The following DMD variants were observed in gnomAD, a reference collection of about 807,000 sequenced individuals.
DMD encodes the protein dystrophin, also known as mutant dystrophin.
In DMD, 63 loss-of-function variants were observed where a neutral mutation model predicts 330.1. The observed-to-expected ratio is 0.19, with a 90% CI of 0.16 to 0.24. The LOEUF is 0.24. Ranked by LOEUF, DMD falls within the 10% of genes least tolerant of loss-of-function variation. DMD has a pLI of 1.00. For missense variants in DMD, 3,344 were observed against 2,684.1 expected, an observed-to-expected ratio of 1.25 and a Z score of -5.43; for synonymous variants, 1,223 against 959.8, an observed-to-expected ratio of 1.27 and a Z score of -5.07.
At chrX:32,637,388 T>C (rs1393877416) in intron 11 of DMD, among the ~76,000 whole-genome samples, 1 of 112,152 alleles carries the variant, frequency 8.9e-6, no homozygotes, top group Non-Finnish European at 1.9e-5. Flanking sequence ...ATTTTTGTAC[T>C]AAGATTAAAA....
intron 9 of DMD, among the ~76,000 whole-genome samples, chrX:32,671,487 A>G (rs2061632359): frequency 8.9e-6 from 1 of 111,798 alleles, no homozygotes; most frequent in Admixed American, 9.6e-5. Flanking sequence ...TATTATTAAC[A>G]AATCAGATTA....
At chrX:31,698,839 G>C (rs1439834820) in intron 52 of DMD, among the ~76,000 whole-genome samples, 2 of 111,879 alleles carry the variant, frequency 1.8e-5, no homozygotes, top group African/African-American at 3.2e-5. Flanking sequence ...TGGCCACTAT[G>C]ATGACCAAGT....
chrX:31,831,844 C>T (rs957109734), intron 49 of DMD, among the ~76,000 whole-genome samples: 12 of 112,313 alleles, frequency 1.1e-4, no homozygotes, highest in Admixed American at 8.4e-4. Context: ...CTTTGTGATC[C>T]GCCCACCTTG....
intron 43 of DMD, among the ~76,000 whole-genome samples, chrX:32,254,010 C>CTCT: frequency 9.0e-6 from 1 of 110,989 alleles, no homozygotes; most frequent in East Asian, 2.9e-4. Context: ...AAAATGAAAA[C>CTCT]TCTTCTGCAA....
intron 62 of DMD, among the ~76,000 whole-genome samples, chrX:31,310,226 TG>T (rs2055391838): frequency 9.3e-6 from 1 of 107,663 alleles, no homozygotes; most frequent in African/African-American, 3.4e-5. Context: ...TATATATATA[TG>T]TGTGTGTGTC....
intron 55 of DMD, among the ~76,000 whole-genome samples, chrX:31,621,176 G>A (rs1357689743): frequency 9.0e-6 from 1 of 111,603 alleles, no homozygotes; most frequent in African/African-American, 3.3e-5. Context: ...AGTCAATCAT[G>A]CCAAGTGGTA....
intron 45 of DMD, among the ~76,000 whole-genome samples, chrX:31,944,631 C>T (rs1714376966): frequency 1.9e-5 from 2 of 105,614 alleles, no homozygotes; most frequent in African/African-American, 3.4e-5. Flanking sequence ...GCGCCCGCCA[C>T]CACTCCTGTT....
At chrX:31,546,621 C>T (rs1217573079) in intron 55 of DMD, among the ~76,000 whole-genome samples, 4 of 112,281 alleles carry the variant, frequency 3.6e-5, no homozygotes, top group East Asian at 2.8e-4. Context: ...CTCTTGCCCA[C>T]TGATTTTGGA....
At chrX:32,830,348 C>T (rs1404108299) in intron 4 of DMD, among the ~76,000 whole-genome samples, 9 of 110,946 alleles carry the variant, frequency 8.1e-5, no homozygotes, top group Non-Finnish European at 7.6e-5. Flanking sequence ...AATTATCAGT[C>T]TAATTGCTAA....
At chrX:32,321,028 A>C (rs184950924) in intron 41 of DMD, among the ~76,000 whole-genome samples, 108 of 112,005 alleles carry the variant, frequency 9.6e-4, no homozygotes, top group African/African-American at 3.3e-3. Context: ...TAAATCTGTA[A>C]GTAATCTCAC....
At chrX:33,009,948 G>GTGTGTGTATATACACGTT (rs2093627002) in intron 2 of DMD, among the ~76,000 whole-genome samples, 1 of 81,634 alleles carries the variant, frequency 1.2e-5, no homozygotes, top group Non-Finnish European at 2.2e-5. Context: ...ATATACACGT[G>GTGTGTGTATATACACGTT]TGTATGTGTA....
At chrX:31,726,881 T>C (rs982252401) in intron 52 of DMD, among the ~76,000 whole-genome samples, 1 of 111,826 alleles carries the variant, frequency 8.9e-6, no homozygotes, top group African/African-American at 3.3e-5. Context: ...GCTGCAAATA[T>C]TCATAAAGGT....
chrX:32,563,583 A>G (rs2051326044), intron 16 of DMD, among the ~76,000 whole-genome samples: 1 of 111,593 alleles, frequency 9.0e-6, no homozygotes, highest in Non-Finnish European at 1.9e-5. Flanking sequence ...TTATTATAGA[A>G]TTATACAAGT....
intron 55 of DMD, among the ~76,000 whole-genome samples, chrX:31,608,752 T>A (rs150876217): frequency 9.0e-6 from 1 of 110,780 alleles, no homozygotes; most frequent in East Asian, 2.9e-4. Flanking sequence ...AATGTATAGA[T>A]CTCTTAAGGC....
At chrX:33,207,255 C>T (rs2051630217) in intron 1 of DMD, among the ~76,000 whole-genome samples, 1 of 111,216 alleles carries the variant, frequency 9.0e-6, no homozygotes, top group Non-Finnish European at 1.9e-5. Flanking sequence ...AACAGAAAGG[C>T]TATGCCCTGG....
intron 1 of DMD, among the ~76,000 whole-genome samples, chrX:33,164,331 A>G (rs1377000391): frequency 8.9e-6 from 1 of 112,292 alleles, no homozygotes; most frequent in African/African-American, 3.2e-5. Flanking sequence ...TTAAGCTATC[A>G]TTGGAAGCTT....
chrX:31,141,692 T>C (rs892428616), intron 76 of DMD, among the ~76,000 whole-genome samples: 1 of 111,082 alleles, frequency 9.0e-6, no homozygotes, highest in African/African-American at 3.3e-5. Flanking sequence ...GATTGGGAAA[T>C]TGGAAGAGAT....
intron 44 of DMD, among the ~76,000 whole-genome samples, chrX:32,066,452 A>AC (rs2096260857): frequency 9.0e-6 from 1 of 110,924 alleles, no homozygotes; most frequent in Non-Finnish European, 1.9e-5. Flanking sequence ...AGCCCTTACT[A>AC]CTTCATGCTT....
intron 1 of DMD, among the ~76,000 whole-genome samples, chrX:33,330,472 T>TTTAATTC (rs1182194611): frequency 8.9e-6 from 1 of 111,739 alleles, no homozygotes; most frequent in Non-Finnish European, 1.9e-5. Context: ...CATTTTCAGG[T>TTTAATTC]AGCTTCTAAT....
Sources: gnomAD v4.1 joint callset for allele counts (sites outside exome capture counted in the v4.1 genomes callset) on GRCh38, gnomAD v4.1.1 for gene constraint, MANE v1.5 for transcripts, NCBI Gene and HGNC (gene_info 2026-07-23, HGNC 2026-07-21) for gene names.